WAC: variants seen among roughly 807,000 people sequenced by gnomAD.
WAC encodes the protein WW domain-containing adapter protein with coiled-coil.
WAC carries 11 observed loss-of-function variants against 79.6 expected under a neutral mutation model. The ratio of observed to expected loss-of-function variants is 0.14; its 90% CI spans 0.09 to 0.23. The LOEUF (loss-of-function observed/expected upper bound fraction) is 0.23, where lower values mean the gene tolerates loss of function less well. Ranked by LOEUF, WAC falls within the 10% of genes least tolerant of loss-of-function variation. WAC has a pLI of 1.00. For synonymous variants in WAC, 304 were observed against 276.9 expected (o/e 1.10, Z -0.97); for missense variants, 728 against 773.5 (o/e 0.94, Z 0.70).
intron 10 of WAC, among the ~76,000 whole-genome samples, chr10:28,612,814 T>C (rs1271509843): frequency 6.6e-6 from 1 of 152,220 alleles, no homozygotes; most frequent in African/African-American, 2.4e-5. Context: ...CCTTATCATT[T>C]GCCAGTATTT....
chr10:28,565,150 T>G (rs1838530087), intron 3 of WAC, among the ~76,000 whole-genome samples: 1 of 152,248 alleles, frequency 6.6e-6, no homozygotes, highest in Admixed American at 6.5e-5. Context: ...ATCCAAGTTG[T>G]TATATGTTCC....
chr10:28,619,351 T>C (rs1841609231), intron 13 of WAC, among the ~76,000 whole-genome samples, 186 bp from the exon 14 acceptor site: 1 of 152,212 alleles, frequency 6.6e-6, no homozygotes, highest in Non-Finnish European at 1.5e-5. Flanking sequence ...CTTTAATAGA[T>C]ATTATGTATT....
At chr10:28,551,485 T>G (rs1837665182) in intron 3 of WAC, among the ~76,000 whole-genome samples, 3 of 152,202 alleles carry the variant, frequency 2.0e-5, no homozygotes, top group East Asian at 1.9e-4. Flanking sequence ...GTAAAAAGTC[T>G]TCTTGGGGTT....
intron 2 of WAC, 126 bp downstream of exon 2, chr10:28,534,160 C>T (rs1589112187): frequency 5.5e-6 from 5 of 908,104 alleles, no homozygotes; most frequent in East Asian, 3.0e-5. Flanking sequence ...AAACTAGCAC[C>T]GCGGATCCCC....
At chr10:28,544,249 G>A (rs952291947) in intron 3 of WAC, among the ~76,000 whole-genome samples, 1 of 152,258 alleles carries the variant, frequency 6.6e-6, no homozygotes, top group Non-Finnish European at 1.5e-5. Context: ...TAATATTTGC[G>A]TAGTGGATTA....
chr10:28,605,892 C>T (rs918760881), intron 7 of WAC, among the ~76,000 whole-genome samples: 3 of 152,028 alleles, frequency 2.0e-5, no homozygotes, highest in African/African-American at 7.2e-5. Flanking sequence ...TTAATTCATG[C>T]AGTAAGTAGA....
intron 12 of WAC, 49 bp from the exon 13 acceptor site, chr10:28,617,608 T>C (rs1351660781): frequency 1.4e-6 from 2 of 1,465,936 alleles, no homozygotes. Context: ...TTTTATTTTG[T>C]GTATGTTAAT....
At chr10:28,537,039 C>T (rs1836717654) in intron 3 of WAC, among the ~76,000 whole-genome samples, 2 of 152,182 alleles carry the variant, frequency 1.3e-5, no homozygotes, top group South Asian at 4.1e-4. Flanking sequence ...TGATCATATA[C>T]TGAGAAACAT....
At position 28,534,015 on chromosome 10, in the gene WAC, G is replaced by A. The variant is rs1366431669; in HGVS notation, c.59G>A (p.Gly20Glu). Residue 20 changes from glycine to glutamate, a missense_variant, in exon 2 of 14, where the codon GGG becomes GAG. By Grantham distance (98) the Gly-to-Glu change is moderately conservative. Around this residue, in one of 3 missense-constraint regions of WAC, gnomAD observed 648 missense variants for 661.5 expected, o/e 0.98. Transcript: ENST00000354911. ...RLSDGCHDRRGDSQPYQALKY... is the reference protein window; with the variant it reads ...RLSDGCHDRREDSQPYQALKY... ...TTTTTCAGCTGTCACGACCGGAGGG[G>A]GGACTCGCAGCCTTACCAGGTACCA... 1 of 1,601,570 alleles carries A rather than the reference G, an allele frequency of 6.2e-7. No homozygotes were observed. The highest frequency in any genetic ancestry group is 1.1e-5 in the South Asian group (1 of 90,542).
At chr10:28,543,487 T>C (rs887449985) in intron 3 of WAC, among the ~76,000 whole-genome samples, 1 of 152,276 alleles carries the variant, frequency 6.6e-6, no homozygotes, top group African/African-American at 2.4e-5. Flanking sequence ...TTTCATGTGT[T>C]TAATTGCCAC....
At chr10:28,537,420 T>C (rs1055444406) in intron 3 of WAC, among the ~76,000 whole-genome samples, 1 of 152,218 alleles carries the variant, frequency 6.6e-6, no homozygotes, top group African/African-American at 2.4e-5. Flanking sequence ...TTGAAAAATT[T>C]GGTGATTGTA....
intron 3 of WAC, among the ~76,000 whole-genome samples, chr10:28,581,878 A>G (rs930416676): frequency 6.6e-6 from 1 of 152,160 alleles, no homozygotes; most frequent in African/African-American, 2.4e-5. Flanking sequence ...TTCATAGAGC[A>G]TTTATTGAGG....
At chr10:28,617,171 TGA>T (rs1211556922) in intron 12 of WAC, among the ~76,000 whole-genome samples, 2 of 152,220 alleles carry the variant, frequency 1.3e-5, no homozygotes, top group Non-Finnish European at 2.9e-5. Context: ...TGCTTTGGGA[TGA>T]GAGACCTTAG....
At chr10:28,583,334 A>T (rs1387515177) in intron 3 of WAC, 65 bp from the exon 4 acceptor site, 1 of 1,212,932 alleles carries the variant, frequency 8.2e-7, no homozygotes, top group African/African-American at 1.6e-5. Flanking sequence ...TATGATAGAA[A>T]ACAGTTTAGA....
At chr10:28,613,659 C>G (rs1259999645) in intron 10 of WAC, among the ~76,000 whole-genome samples, 1 of 152,138 alleles carries the variant, frequency 6.6e-6, no homozygotes, top group Non-Finnish European at 1.5e-5. Flanking sequence ...AGGTAATATT[C>G]AGAAGTTAAG....
intron 8 of WAC, 37 bp from the exon 9 acceptor site, chr10:28,610,660 CTT>C: frequency 6.4e-7 from 1 of 1,567,244 alleles, no homozygotes; most frequent in South Asian, 1.2e-5. Flanking sequence ...ACATAAGCCT[CTT>C]GTTTTTATAT....
At chr10:28,615,312 T>C (rs1841425579) in intron 11 of WAC, 1 of 152,250 alleles carries the variant, frequency 6.6e-6, no homozygotes, top group African/African-American at 2.4e-5. Context: ...GTTTTTATTG[T>C]TGTTTTCTAA....
rs1396520977 is a variant in WAC at position 28,614,677 on chromosome 10, G to C, written c.1548G>C (p.Gln516His). The part of the protein sequence containing the change: ...GHEPVSPRSL[Q>H]RSSSQRSPSP... ...AACCTGTCTCTCCTCGAAGTCTTCA[G>C]CGCTCAAGGTAGGTTGATATTGTAT... The change falls in exon 11 of 14, where the codon CAG becomes CAC. Residue 516 changes from glutamine (Q) to histidine (H), a missense_variant. Gln to His is a conservative substitution (Grantham distance 24). Transcript: ENST00000354911. 6.2e-7 allele frequency: 1 copy of C among 1,613,550 alleles called. No homozygotes were observed. The highest frequency in any genetic ancestry group is 1.7e-5 in the Admixed American group (1 of 60,006).
chr10:28,568,078 A>AGACGG (rs1564391100), intron 3 of WAC, among the ~76,000 whole-genome samples: 1 of 152,208 alleles, frequency 6.6e-6, no homozygotes, highest in Non-Finnish European at 1.5e-5. Flanking sequence ...CATTTGTCAG[A>AGACGG]GACGGTTTGT....
Sources: gnomAD v4.1 joint callset for allele counts (sites outside exome capture counted in the v4.1 genomes callset) on GRCh38, gnomAD v4.1.1 for gene constraint, gnomAD v4.1.1 regional missense constraint, MANE v1.5 for transcripts, NCBI Gene and HGNC (gene_info 2026-07-23, HGNC 2026-07-21) for gene names.